KLF10: variants seen among roughly 807,000 people sequenced by gnomAD.
KLF10 encodes Krueppel-like factor 10.
In KLF10, 17 loss-of-function variants were observed where a neutral mutation model predicts 31.6. The observed-to-expected ratio is 0.54, with a 90% CI of 0.37 to 0.81. KLF10 has a LOEUF of 0.81. Ranked by LOEUF, KLF10 falls within the 30% of genes least tolerant of loss-of-function variation. KLF10 has a pLI of 0.00. For synonymous variants in KLF10, 239 were observed against 215.1 expected (o/e 1.11, Z -0.97); for missense variants, 525 against 598.1 (o/e 0.88, Z 1.27).
At chr8:102,650,541 C>A in intron 3 of KLF10, 150 bp from the exon 4 acceptor site, 2 of 872,796 alleles carry the variant, frequency 2.3e-6, no homozygotes, top group Non-Finnish European at 3.4e-6. Context: ...TGTATTGCTC[C>A]AATTTCAACT....
intron 1 of KLF10, among the ~76,000 whole-genome samples, chr8:102,655,014 C>A (rs1827329422): frequency 6.6e-6 from 1 of 152,076 alleles, no homozygotes; most frequent in Non-Finnish European, 1.5e-5. Context: ...GAGCAGCCCC[C>A]GTCTTCCAAG....
rs1827167307 is a variant in KLF10, at chr8:102,650,034, A to C, written c.*98T>G. 2 of 1,465,138 alleles carry C rather than the reference A, an allele frequency of 1.4e-6. No individual in the cohort carries two copies. The highest frequency in any genetic ancestry group is 2.7e-5 in the South Asian group (2 of 74,504). 90.8% of individuals were successfully genotyped at this position (1,465,138 alleles called of 1,614,324 possible). On this transcript the variant is annotated 3_prime_UTR_variant, in exon 4 of 4. Transcript: ENST00000285407. ...GCTGTGGGGCTTCTGCTTTAAGCCCACGTTGTGGGGCCACAGACTTGCAGT... is the reference window on the plus strand; with the variant it reads ...GCTGTGGGGCTTCTGCTTTAAGCCCCCGTTGTGGGGCCACAGACTTGCAGT...
rs1282884847 is a variant in KLF10, at chr8:102,651,275, A to AAGGGGAAAACCCAGGAGC, written c.1039_1056dup (p.Ala347_Pro352dup). ...ATCTGAGGAGTGACTTTTGCTGCTG[A>AAGGGGAAAACCCAGGAGC]AGGGGAAAACCCAGGAGCAGGGGCA... On this transcript the variant is annotated inframe_insertion, in exon 3 of 4. Transcript: ENST00000285407. 1.9e-6 allele frequency: 3 copies of AAGGGGAAAACCCAGGAGC among 1,607,982 alleles called. No homozygotes were observed. Among genetic ancestry groups the AAGGGGAAAACCCAGGAGC allele is most frequent in the Admixed American group, 1.7e-5 (1 of 59,024 alleles).
rs1587834830 is a variant in KLF10 at position 102,652,461 on chromosome 8, A to T, written c.37-64T>A. ...TTGTCATCCAAATGACACACAGAAA[A>T]ATGAGCAAATTTTTTTTTTTTTTTT... On this transcript the variant is annotated intron_variant, in intron 1 of 3. Transcript: ENST00000285407. 11 of 903,734 alleles carry T rather than the reference A, an allele frequency of 1.2e-5. No individual in the cohort carries two copies. In the East Asian group the frequency reaches 2.8e-4, roughly 23 times the overall value. 56.0% of individuals were successfully genotyped at this position (903,734 alleles called of 1,614,324 possible).
In KLF10 at chr8:102,651,750, C is replaced by T. The variant is rs756790353; in HGVS notation, c.582G>A (p.Glu194=). The T allele has an allele frequency of 5.0e-6, 8 of 1,614,218 alleles. No homozygotes were observed. The highest frequency in any genetic ancestry group is 6.8e-6 in the Non-Finnish European group (8 of 1,180,034). Reference sequence around the variant, plus strand: ...CACATGGTATGTTCTTTCTTGCAGCCTCAACATTTAGGTGGGTTCTTCTTC... The same window carrying T: ...CACATGGTATGTTCTTTCTTGCAGCTTCAACATTTAGGTGGGTTCTTCTTC... The part of the protein sequence containing the change: ...SFRRRTHLNV[E]AARKNIPCAA... The change falls in exon 3 of 4, where the codon GAG becomes GAA. Residue 194 remains glutamate, a synonymous_variant. Transcript: ENST00000285407.
At chr8:102,653,693 T>C (rs1827275476) in intron 1 of KLF10, 1 of 1,263,202 alleles carries the variant, frequency 7.9e-7, no homozygotes, top group Non-Finnish European at 1.0e-6. Context: ...CGCCTTTATG[T>C]AAGCTGCAAT....
At chr8:102,654,764 G>C (rs529076166) in intron 1 of KLF10, among the ~76,000 whole-genome samples, 2 of 150,612 alleles carry the variant, frequency 1.3e-5, no homozygotes, top group African/African-American at 4.9e-5. Context: ...TCGCGGCCCA[G>C]CTCCCCCCGC....
At chr8:102,653,677 C>T (rs1159136233) in intron 1 of KLF10, 4 of 1,273,052 alleles carry the variant, frequency 3.1e-6, no homozygotes, top group Non-Finnish European at 3.0e-6. Context: ...ATTGCATAAT[C>T]GCGCCCGCCT....
At chr8:102,654,066 T>C in intron 1 of KLF10, 1 of 779,414 alleles carries the variant, frequency 1.3e-6, no homozygotes, top group Non-Finnish European at 1.6e-6. Context: ...CGAGCCCGGA[T>C]TGGCTGTGCG....
At chr8:102,654,655 G>T (rs1827315925) in intron 1 of KLF10, among the ~76,000 whole-genome samples, 1 of 151,346 alleles carries the variant, frequency 6.6e-6, no homozygotes. Context: ...CCTCCCCGTG[G>T]CTTCCGGCAG....
At chr8:102,654,490 G>A (rs1192578368) in intron 1 of KLF10, 1 of 151,132 alleles carries the variant, frequency 6.6e-6, no homozygotes, top group Admixed American at 6.6e-5. Flanking sequence ...CTCCGCCTCA[G>A]ATGCGGGAGG....
rs920617112 is a variant in KLF10, at chr8:102,649,228, A to G, written c.*904T>C. 9 of 152,746 alleles carry G rather than the reference A, an allele frequency of 5.9e-5. No homozygotes were observed. In the East Asian group the frequency reaches 1.7e-3, roughly 29 times the overall value. 9.5% of individuals were successfully genotyped at this position (152,746 alleles called of 1,614,324 possible). ...CTCATAACATAAAGGTACTTTACTG[A>G]TGACATAAGCCATCTTTTTCAAGAA... On this transcript the variant is annotated 3_prime_UTR_variant, in exon 4 of 4. Coordinates refer to ENST00000285407, the MANE Select transcript of KLF10 (RefSeq NM_005655.4).
At position 102,652,490 on chromosome 8, in the gene KLF10, T is replaced by TTTA. The variant is rs1827241646; in HGVS notation, c.37-94_37-93insTAA. On this transcript the variant is annotated intron_variant, in intron 1 of 3. Coordinates refer to ENST00000285407, the MANE Select transcript of KLF10 (RefSeq NM_005655.4). ...AGCAAATTTTTTTTTTTTTTTTTTT[T>TTTA]ACAACTCACACAACTTTCCAAATTA... The TTTA allele has an allele frequency of 4.6e-6, 3 of 652,330 alleles. No homozygotes were observed. The African/African-American group carries it at 5.5e-5, about 12-fold the overall frequency. 40.4% of individuals were successfully genotyped at this position (652,330 alleles called of 1,614,324 possible). A position where few individuals can be genotyped will look rare whatever the true frequency, so the allele number is the denominator to read the frequency against.
In KLF10 at chr8:102,650,393, T is replaced by C; in HGVS notation, c.1184-2A>G. On this transcript the variant is annotated splice_acceptor_variant, in intron 3 of 3. Coordinates refer to ENST00000285407, the MANE Select transcript of KLF10 (RefSeq NM_005655.4). LOFTEE classifies it high-confidence loss of function. Reference sequence around the variant, plus strand: ...AGCTACAGCTGAAAGGCTTTTCTCCTAAAACAAAGACATACAAATCATTAT... The same window carrying C: ...AGCTACAGCTGAAAGGCTTTTCTCCCAAAACAAAGACATACAAATCATTAT... 6.2e-7 allele frequency: 1 copy of C among 1,611,118 alleles called. No individual in the cohort carries two copies. Among genetic ancestry groups the C allele is most frequent in the Non-Finnish European group, 8.5e-7 (1 of 1,177,566 alleles).
rs999728089 is a variant in KLF10, at chr8:102,653,818, G to T, written c.37-1421C>A. ...TGGGAAGGACAGGAAGGGAAACAGG[G>T]AGGGGAGGAAAGGGAGTGGGGCGCG... On this transcript the variant is annotated intron_variant, in intron 1 of 3. Coordinates refer to ENST00000285407, the MANE Select transcript of KLF10 (RefSeq NM_005655.4). 3.9e-6 allele frequency: 4 copies of T among 1,038,668 alleles called. No individual in the cohort carries two copies. In the African/African-American group the frequency reaches 5.1e-5, roughly 13 times the overall value. 64.3% of individuals were successfully genotyped at this position (1,038,668 alleles called of 1,614,324 possible).
In KLF10 at chr8:102,649,691, C is replaced by A; in HGVS notation, c.*441G>T. On this transcript the variant is annotated 3_prime_UTR_variant, in exon 4 of 4. Transcript: ENST00000285407. ...ATGACAATATTTGTAATAATACAAA[C>A]TCATTTTACATCTCCATGTCTGTAC... The A allele has an allele frequency of 6.0e-6, 1 of 165,704 alleles. No homozygotes were observed. The highest frequency in any genetic ancestry group is 2.4e-5 in the African/African-American group (1 of 41,768). The allele number at this position is 165,704 out of a possible 1,614,324, so 10.3% of individuals were successfully genotyped here.
chr8:102,655,519 AGAC>A lies in KLF10; in HGVS notation c.36+44_36+46del, dbSNP rs904965153. On this transcript the variant is annotated intron_variant, in intron 1 of 3. Transcript: ENST00000285407. ...GGGTTCGCGCCCCCTTTGGCCCCCC[AGAC>A]AAGACCAGGCGAGGAAGCACAGGGG... 3.7e-6 allele frequency: 6 copies of A among 1,612,622 alleles called. No individual in the cohort carries two copies. The Admixed American group carries it at 8.3e-5, about 22-fold the overall frequency.
At position 102,651,305 on chromosome 8, in the gene KLF10, G is replaced by T; in HGVS notation, c.1027C>A (p.Pro343Thr). 3 of 1,605,330 alleles carry T rather than the reference G, an allele frequency of 1.9e-6. No homozygotes were observed. Among genetic ancestry groups the T allele is most frequent in the Non-Finnish European group, 2.6e-6 (3 of 1,175,976 alleles). ...VVSPNGTRLS[P>T]IAPAPGFSPS... is the part of the protein sequence containing the mutation. ...GAAAACCCAGGAGCAGGGGCAATGG[G>T]AGAGAGTCTGGTGCCATTCGGGCTC... is the stretch of plus-strand genomic sequence containing the variant. Residue 343 changes from proline (P) to threonine (T), a missense_variant, in exon 3 of 4, where the codon CCC becomes ACC. This residue lies in a region of KLF10 where 434 missense variants were observed against 450.7 expected (regional missense o/e 0.96). Coordinates refer to ENST00000285407, the MANE Select transcript of KLF10 (RefSeq NM_005655.4).
chr8:102,655,611 C>T lies in KLF10; in HGVS notation c.-10G>A, dbSNP rs752410288. The T allele has an allele frequency of 4.3e-6, 7 of 1,613,822 alleles. No homozygotes were observed. The East Asian group carries it at 1.1e-4, about 26-fold the overall frequency. The stretch of plus-strand genomic sequence containing the variant: ...CACCGAAGTTGAGCATGGTTGGCTG[C>T]TTGGCCGCCGGCGGCAAGCTGACTG... On this transcript the variant is annotated 5_prime_UTR_variant, in exon 1 of 4. Coordinates refer to ENST00000285407, the MANE Select transcript of KLF10 (RefSeq NM_005655.4).
Sources: allele counts gnomAD v4.1 joint callset (sites outside exome capture counted in the v4.1 genomes callset), GRCh38; gene constraint gnomAD v4.1.1; regional missense constraint gnomAD v4.1.1; transcripts MANE v1.5; gene names NCBI Gene and HGNC (gene_info 2026-07-23, HGNC 2026-07-21).